PTPRN2: variants seen among roughly 807,000 people sequenced by gnomAD.
PTPRN2 encodes the protein receptor-type tyrosine-protein phosphatase N2.
In PTPRN2, 74 loss-of-function variants were observed where a neutral mutation model predicts 118.8. The ratio of observed to expected loss-of-function variants is 0.62; its 90% CI spans 0.52 to 0.76. PTPRN2 has a LOEUF of 0.76. Ranked by LOEUF, PTPRN2 falls within the 30% of genes least tolerant of loss-of-function variation. The probability of loss-of-function intolerance (pLI) is 0.00; values close to 1 mark genes in which losing one functional copy is unlikely to be tolerated. For synonymous variants in PTPRN2, 641 were observed against 608.0 expected (o/e 1.05, Z -0.80); for missense variants, 1,481 against 1,394.4 (o/e 1.06, Z -0.99).
At chr7:158,279,986 C>T (rs1199236151) in intron 3 of PTPRN2, among the ~76,000 whole-genome samples, 2 of 151,892 alleles carry the variant, frequency 1.3e-5, no homozygotes, top group East Asian at 1.9e-4. Context: ...GAGCCCCGGA[C>T]GGCCCCCACG....
Position 158,114,618 on chromosome 7 carries a change from C to T in PTPRN2, c.1557-3703G>A, listed in dbSNP as rs540269721. ...GAGAGGAGGAGGAGCCAGCGGCCCC[C>T]GGCAGCCTCTAATCTGGCAGGAACA... On this transcript the variant is annotated intron_variant, in intron 9 of 22. Coordinates refer to ENST00000389418, the MANE Select transcript of PTPRN2 (RefSeq NM_002847.5). Among the ~76,000 whole-genome samples, 66 of 152,230 alleles carry T rather than the reference C, an allele frequency of 4.3e-4. 1 individual carries two copies. The South Asian group carries it at 0.013, about 29-fold the overall frequency.
intron 1 of PTPRN2, among the ~76,000 whole-genome samples, chr7:158,536,403 C>T (rs1825646325): frequency 1.3e-5 from 2 of 152,178 alleles, no homozygotes; most frequent in Admixed American, 6.5e-5. Flanking sequence ...ACACAAGGGC[C>T]TTCCCAGCCC....
chr7:157,661,092 C>G (rs1047790820), intron 13 of PTPRN2, among the ~76,000 whole-genome samples: 5 of 152,262 alleles, frequency 3.3e-5, no homozygotes, highest in Non-Finnish European at 5.9e-5. Flanking sequence ...CCGACATCGC[C>G]TCCTCCGGCG....
intron 12 of PTPRN2, among the ~76,000 whole-genome samples, chr7:157,790,042 T>G (rs1203921964): frequency 2.1e-5 from 1 of 47,074 alleles, no homozygotes; most frequent in Non-Finnish European, 4.0e-5. Context: ...TGGGGGTGTG[T>G]GTGGTGTTTG....
chr7:158,082,233 G>C (rs376446988), intron 10 of PTPRN2, among the ~76,000 whole-genome samples: 1 of 152,202 alleles, frequency 6.6e-6, no homozygotes, highest in South Asian at 2.1e-4. Context: ...TGACATCTAA[G>C]CTGTGAAACT....
intron 2 of PTPRN2, among the ~76,000 whole-genome samples, chr7:158,336,719 C>G (rs1486641433): frequency 8.2e-6 from 1 of 122,182 alleles, no homozygotes; most frequent in African/African-American, 3.0e-5. Context: ...CACACTCTCA[C>G]CAAAAGAGCT....
intron 1 of PTPRN2, among the ~76,000 whole-genome samples, chr7:158,558,066 C>A (rs962098048): frequency 1.3e-5 from 2 of 152,176 alleles, no homozygotes; most frequent in African/African-American, 4.8e-5. Context: ...CTCACTGCAG[C>A]CTTGAACTTC....
In PTPRN2 at chr7:157,869,816, T is replaced by G. The variant is rs1810941568; in HGVS notation, c.1788+28857A>C. ...CCCAGGCATTTTTCTGCTAAAGTTT[T>G]TATAACTTTCTCAAAACACCCACAT... On this transcript the variant is annotated intron_variant, in intron 12 of 22. Transcript: ENST00000389418. The surrounding 1 kb of genome is among the most constrained non-coding windows in gnomAD (Gnocchi z 4.2). Among the ~76,000 whole-genome samples, 1 of 152,242 alleles carries G rather than the reference T, an allele frequency of 6.6e-6. No homozygotes were observed. The highest frequency in any genetic ancestry group is 2.1e-4 in the South Asian group (1 of 4,826).
At chr7:158,144,999 A>G (rs1322449041) in intron 6 of PTPRN2, among the ~76,000 whole-genome samples, 2 of 151,514 alleles carry the variant, frequency 1.3e-5, no homozygotes, top group Non-Finnish European at 2.9e-5. Flanking sequence ...ACGGCTCGGC[A>G]AGACTTCCCT....
chr7:158,503,235 T>C (rs1218838112), intron 1 of PTPRN2, among the ~76,000 whole-genome samples: 1 of 152,254 alleles, frequency 6.6e-6, no homozygotes, highest in Non-Finnish European at 1.5e-5. Flanking sequence ...GCCCCTTGAC[T>C]CCAGGATGGG....
rs189528544 is a variant in PTPRN2, at chr7:158,557,841, G to A, written c.112+29717C>T. Among the ~76,000 whole-genome samples, 508 of 152,276 alleles carry A rather than the reference G, an allele frequency of 3.3e-3. 4 individuals carry two copies. The highest frequency in any genetic ancestry group is 7.7e-3 in the African/African-American group (319 of 41,560). On this transcript the variant is annotated intron_variant, in intron 1 of 22. Transcript: ENST00000389418. ...ACACTGACTGTGCATGGAAACCCCC[G>A]TGGTCCACTCTCCTAGTGAGGCACC...
chr7:158,250,664 C>T (rs185010157), intron 3 of PTPRN2, among the ~76,000 whole-genome samples: 199 of 152,282 alleles, frequency 1.3e-3, no homozygotes, highest in African/African-American at 4.4e-3. Flanking sequence ...CTCAAACCCC[C>T]GAATTGTTGT....
At chr7:158,080,469 G>A (rs1812731893) in intron 11 of PTPRN2, among the ~76,000 whole-genome samples, 1 of 151,868 alleles carries the variant, frequency 6.6e-6, no homozygotes, top group Non-Finnish European at 1.5e-5. Context: ...CCTGCGGAAT[G>A]GCCCTAATGC....
At chr7:158,026,100 G>A (rs931705317) in intron 11 of PTPRN2, among the ~76,000 whole-genome samples, 1 of 152,228 alleles carries the variant, frequency 6.6e-6, no homozygotes, top group African/African-American at 2.4e-5. Context: ...CACAGATATC[G>A]ATTTAGATGG....
At chr7:158,556,501 C>T (rs915453055) in intron 1 of PTPRN2, among the ~76,000 whole-genome samples, 9 of 150,748 alleles carry the variant, frequency 6.0e-5, no homozygotes, top group Admixed American at 2.0e-4. Flanking sequence ...TGCAGTGAGC[C>T]GAGACCACAC....
At chr7:157,557,367 A>C (rs1231561106) in intron 21 of PTPRN2, among the ~76,000 whole-genome samples, 1 of 152,032 alleles carries the variant, frequency 6.6e-6, no homozygotes, top group Non-Finnish European at 1.5e-5. Context: ...TACATTCAGG[A>C]TCACACACAT....
intron 11 of PTPRN2, among the ~76,000 whole-genome samples, chr7:158,011,871 A>G (rs1024907920): frequency 1.3e-5 from 2 of 152,232 alleles, no homozygotes; most frequent in Non-Finnish European, 2.9e-5. Context: ...TTAGTTGGTC[A>G]TAGATTGTTA....
intron 12 of PTPRN2, among the ~76,000 whole-genome samples, chr7:157,804,134 CA>C (rs1041765046): frequency 1.3e-5 from 2 of 152,188 alleles, no homozygotes; most frequent in African/African-American, 4.8e-5. Flanking sequence ...GAAACAGGCG[CA>C]AGCCCTTATT....
chr7:158,050,649 G>A (rs984933952), intron 11 of PTPRN2, among the ~76,000 whole-genome samples: 10 of 152,278 alleles, frequency 6.6e-5, no homozygotes, highest in African/African-American at 1.7e-4. Flanking sequence ...CCCCCGTCAC[G>A]CTGAGCTCTG....
Sources: gnomAD v4.1 joint callset for allele counts (sites outside exome capture counted in the v4.1 genomes callset) on GRCh38, gnomAD v4.1.1 for gene constraint, Gnocchi (gnomAD v3.1) non-coding constraint, MANE v1.5 for transcripts, NCBI Gene and HGNC (gene_info 2026-07-23, HGNC 2026-07-21) for gene names.